The following CTBS variants were observed in gnomAD, a reference collection of about 807,000 sequenced individuals.
CTBS encodes chitobiase.
CTBS carries 35 observed loss-of-function variants against 44.3 expected under a neutral mutation model. That is an observed-to-expected ratio of 0.79 (90% CI 0.60 to 1.05). CTBS has a LOEUF of 1.05. Ranked by LOEUF, CTBS falls within the 50% of genes least tolerant of loss-of-function variation. The pLI, the probability that CTBS is intolerant of heterozygous loss-of-function variation, is 0.00. For synonymous variants in CTBS, 143 were observed against 168.0 expected (o/e 0.85, Z 1.15); for missense variants, 458 against 475.3 (o/e 0.96, Z 0.34).
At chr1:84,557,825 A>T (rs868642772) in intron 6 of CTBS, among the ~76,000 whole-genome samples, 5 of 150,720 alleles carry the variant, frequency 3.3e-5, no homozygotes, top group African/African-American at 9.8e-5. Context: ...GCCACTGCAC[A>T]CCAGCGTGGG....
chr1:84,551,091 A>C lies in CTBS; in HGVS notation c.*3908T>G, dbSNP rs1684256677. On this transcript the variant is annotated 3_prime_UTR_variant, in exon 7 of 7. Coordinates refer to ENST00000370630, the MANE Select transcript of CTBS (RefSeq NM_004388.3). ...TCTGGGCATGCTCTATTTGGTGAGA[A>C]TTGTGTACAACTAATTACATCATAG... 1 of 985,328 alleles carries C rather than the reference A, an allele frequency of 1.0e-6. No individual in the cohort carries two copies. Among genetic ancestry groups the C allele is most frequent in the Non-Finnish European group, 1.2e-6 (1 of 829,866 alleles). 61.0% of individuals were successfully genotyped at this position (985,328 alleles called of 1,614,324 possible). A position where few individuals can be genotyped will look rare whatever the true frequency, so the allele number is the denominator to read the frequency against.
In CTBS at chr1:84,552,957, C is replaced by A. The variant is rs2102011390; in HGVS notation, c.*2042G>T. The A allele has an allele frequency of 3.1e-6, 3 of 952,640 alleles. No homozygotes were observed. The highest frequency in any genetic ancestry group is 1.6e-5 in the South Asian group (1 of 61,286). 59.0% of individuals were successfully genotyped at this position (952,640 alleles called of 1,614,324 possible). ...AGACAGTTAAAGCGGTTACAAAAACCCTGTTTACATGACAACTATGATGTA... is the reference window on the plus strand; with the variant it reads ...AGACAGTTAAAGCGGTTACAAAAACACTGTTTACATGACAACTATGATGTA... On this transcript the variant is annotated 3_prime_UTR_variant, in exon 7 of 7. Transcript: ENST00000370630.
chr1:84,561,158 A>G (rs753944429), intron 6 of CTBS, among the ~76,000 whole-genome samples: 3 of 152,214 alleles, frequency 2.0e-5, no homozygotes, highest in Admixed American at 1.3e-4. Flanking sequence ...TCTAGATGCC[A>G]TTAAGAACAT....
intron 1 of CTBS, among the ~76,000 whole-genome samples, chr1:84,571,180 G>T (rs1161110119): frequency 6.6e-6 from 1 of 152,122 alleles, no homozygotes. Flanking sequence ...AATATTTTCA[G>T]CTGCAGTGGG....
rs1269926640 is a variant in CTBS, at chr1:84,553,419, T to C, written c.*1580A>G. 6.5e-6 allele frequency: 1 copy of C among 154,160 alleles called. No homozygotes were observed. The highest frequency in any genetic ancestry group is 2.4e-5 in the African/African-American group (1 of 41,470). 9.5% of individuals were successfully genotyped at this position (154,160 alleles called of 1,614,324 possible). A position where few individuals can be genotyped will look rare whatever the true frequency, so the allele number is the denominator to read the frequency against. On this transcript the variant is annotated 3_prime_UTR_variant, in exon 7 of 7. Coordinates refer to ENST00000370630, the MANE Select transcript of CTBS (RefSeq NM_004388.3). ...AATTCAATAATAATTTATTTAACAA[T>C]TTAAGAGCTAATATAACTAAAATCT... is the stretch of plus-strand genomic sequence containing the variant.
At position 84,553,151 on chromosome 1, in the gene CTBS, TA is replaced by T. The variant is rs1558618945; in HGVS notation, c.*1847del. On this transcript the variant is annotated 3_prime_UTR_variant, in exon 7 of 7. Transcript: ENST00000370630. ...TATGTTAATTTAAAACTTTTATTTG[TA>T]AAAAAATTTAAATATGTATTTGAAC... 1 of 1,266,492 alleles carries T rather than the reference TA, an allele frequency of 7.9e-7. No homozygotes were observed. Among genetic ancestry groups the T allele is most frequent in the Non-Finnish European group, 1.1e-6 (1 of 923,208 alleles). The allele number at this position is 1,266,492 out of a possible 1,614,324, so 78.5% of individuals were successfully genotyped here.
intron 4 of CTBS, among the ~76,000 whole-genome samples, chr1:84,564,682 AAC>A (rs1487602600): frequency 6.6e-6 from 1 of 152,148 alleles, no homozygotes; most frequent in Non-Finnish European, 1.5e-5. Flanking sequence ...TCTTGCCTGA[AAC>A]ACAGTTTGGG....
At chr1:84,573,912 C>A in intron 1 of CTBS, 1 of 1,229,632 alleles carries the variant, frequency 8.1e-7, no homozygotes, top group Non-Finnish European at 1.0e-6. Context: ...ATGGATTATC[C>A]TACCTTGTTT....
chr1:84,550,660 C>G lies in CTBS; in HGVS notation c.*4339G>C. The stretch of plus-strand genomic sequence containing the variant: ...GACTGTATTAAAATTGTTACCTTAA[C>G]AGTAAAGAGCATAGGTGAAAAAAAA... On this transcript the variant is annotated 3_prime_UTR_variant, in exon 7 of 7. Transcript: ENST00000370630. The G allele has an allele frequency of 8.1e-7, 1 of 1,235,646 alleles. No homozygotes were observed. Among genetic ancestry groups the G allele is most frequent in the South Asian group, 3.4e-5 (1 of 29,138 alleles). The allele number at this position is 1,235,646 out of a possible 1,614,324, so 76.5% of individuals were successfully genotyped here. A position where few individuals can be genotyped will look rare whatever the true frequency, so the allele number is the denominator to read the frequency against.
intron 3 of CTBS, among the ~76,000 whole-genome samples, chr1:84,566,469 A>T (rs1254627174): frequency 6.6e-6 from 1 of 152,234 alleles, no homozygotes; most frequent in Non-Finnish European, 1.5e-5. Flanking sequence ...TGGGAGTTTC[A>T]GCCTGATTCA....
Position 84,570,226 on chromosome 1 carries a change from A to G in CTBS, c.317-87T>C, listed in dbSNP as rs554918036. The G allele has an allele frequency of 3.7e-5, 39 of 1,063,998 alleles. No homozygotes were observed. In the African/African-American group the frequency reaches 5.3e-4, roughly 14 times the overall value. The allele number at this position is 1,063,998 out of a possible 1,614,324, so 65.9% of individuals were successfully genotyped here. ...CTAAGCCCTTAACTGAAGTTTTCCA[A>G]TGGAGAAAGAATATACCAAAGTAAC... On this transcript the variant is annotated intron_variant, in intron 2 of 6. Transcript: ENST00000370630.
chr1:84,572,184 T>C (rs992280543), intron 1 of CTBS, among the ~76,000 whole-genome samples: 4 of 152,172 alleles, frequency 2.6e-5, no homozygotes, highest in African/African-American at 9.7e-5. Flanking sequence ...ACAGTGGGGA[T>C]AGCAGCTGTA....
chr1:84,568,860 T>A (rs1647212536), intron 3 of CTBS, among the ~76,000 whole-genome samples: 1 of 152,146 alleles, frequency 6.6e-6, no homozygotes, highest in Non-Finnish European at 1.5e-5. Flanking sequence ...CCTTCCACCA[T>A]GACTGTAAGT....
chr1:84,550,667 G>C lies in CTBS; in HGVS notation c.*4332C>G. 8.2e-7 allele frequency: 1 copy of C among 1,219,446 alleles called. No individual in the cohort carries two copies. The highest frequency in any genetic ancestry group is 4.3e-5 in the Admixed American group (1 of 23,156). 75.5% of individuals were successfully genotyped at this position (1,219,446 alleles called of 1,614,324 possible). On this transcript the variant is annotated 3_prime_UTR_variant, in exon 7 of 7. Coordinates refer to ENST00000370630, the MANE Select transcript of CTBS (RefSeq NM_004388.3). ...TTAAAATTGTTACCTTAACAGTAAA[G>C]AGCATAGGTGAAAAAAAAAATGCAG...
Position 84,550,992 on chromosome 1 carries a change from T to G in CTBS, c.*4007A>C. ...TCTACTAGATGTTAAGTTTCCTTCCTGGCAGAGACTATGCCTTAGTTAACT... is the reference window on the plus strand; with the variant it reads ...TCTACTAGATGTTAAGTTTCCTTCCGGGCAGAGACTATGCCTTAGTTAACT... On this transcript the variant is annotated 3_prime_UTR_variant, in exon 7 of 7. Coordinates refer to ENST00000370630, the MANE Select transcript of CTBS (RefSeq NM_004388.3). The G allele has an allele frequency of 1.0e-6, 1 of 984,802 alleles. No homozygotes were observed. Among genetic ancestry groups the G allele is most frequent in the Non-Finnish European group, 1.2e-6 (1 of 829,354 alleles). 61.0% of individuals were successfully genotyped at this position (984,802 alleles called of 1,614,324 possible).
In CTBS at chr1:84,569,927, T is replaced by C; in HGVS notation, c.525+4A>G. 6.2e-7 allele frequency: 1 copy of C among 1,608,898 alleles called. No individual in the cohort carries two copies. The highest frequency in any genetic ancestry group is 8.5e-7 in the Non-Finnish European group (1 of 1,178,614). ...AGGTTTCCAAAAAATAAATGAGTTT[T>C]TACCTGTGATCCCTCAATTTCACGA... On this transcript the variant is annotated splice_donor_region_variant and intron_variant, in intron 3 of 6. Transcript: ENST00000370630.
chr1:84,564,728 CA>C (rs1322317933), intron 4 of CTBS, among the ~76,000 whole-genome samples: 1 of 152,062 alleles, frequency 6.6e-6, no homozygotes, highest in African/African-American at 2.4e-5. Context: ...GTAATTTTAA[CA>C]GAATAAGTTA....
intron 3 of CTBS, among the ~76,000 whole-genome samples, chr1:84,568,361 G>A (rs1201247177): frequency 1.3e-5 from 2 of 152,140 alleles, no homozygotes; most frequent in South Asian, 2.1e-4. Flanking sequence ...ATTGTGGCCT[G>A]TATGCCAGGT....
intron 1 of CTBS, 83 bp from the exon 2 acceptor site, chr1:84,570,803 A>G: frequency 7.4e-7 from 1 of 1,358,230 alleles, no homozygotes. Flanking sequence ...AAACATCACC[A>G]TACACCAAAC....
Sources: gnomAD v4.1 joint callset for allele counts (sites outside exome capture counted in the v4.1 genomes callset) on GRCh38, gnomAD v4.1.1 for gene constraint, MANE v1.5 for transcripts, NCBI Gene and HGNC (gene_info 2026-07-23, HGNC 2026-07-21) for gene names.